The following IGSF5 variants were observed in gnomAD, a reference collection of about 807,000 sequenced individuals.
IGSF5 encodes the protein immunoglobulin superfamily 5 like.
Under a neutral mutation model 39.4 loss-of-function variants are expected in IGSF5, and 41 were observed. That is an observed-to-expected ratio of 1.04 (90% CI 0.81 to 1.35). The LOEUF is 1.35. IGSF5 is among the 40% of genes most tolerant of loss of function. The pLI is 0.00. For synonymous variants in IGSF5, 183 were observed against 175.3 expected, an observed-to-expected ratio of 1.04 and a Z score of -0.34; for missense variants, 487 against 494.6, an observed-to-expected ratio of 0.98 and a Z score of 0.15.
chr21:39,771,070 G>A lies in IGSF5; in HGVS notation c.573G>A (p.Pro191=), dbSNP rs150119349. Residue 191 remains proline, a synonymous_variant, in exon 4 of 9, where the codon CCG becomes CCA. Coordinates refer to ENST00000380588, the MANE Select transcript of IGSF5 (RefSeq NM_001080444.2). ...GCCATTCAAGCTATTATTTTGTTCC[G>A]GAGCCCAGCGACCTTCAAAGTGCAG... ...LVSHSSYYFV[P]EPSDLQSAVS... 183 of 1,613,498 alleles carry A rather than the reference G, an allele frequency of 1.1e-4. No individual in the cohort carries two copies. The highest frequency in any genetic ancestry group is 1.7e-4 in the Admixed American group (10 of 59,936).
At chr21:39,745,611 C>T (rs1048818845) in intron 1 of IGSF5, 85 bp downstream of exon 1, 31 of 695,164 alleles carry the variant, frequency 4.5e-5, no homozygotes, top group Admixed American at 1.1e-4. Context: ...GAGGTTGGGA[C>T]GACAGCTTTC....
intron 2 of IGSF5, among the ~76,000 whole-genome samples, chr21:39,756,400 T>C (rs577070049): frequency 6.6e-6 from 1 of 152,218 alleles, no homozygotes; most frequent in Admixed American, 6.5e-5. Context: ...CTTGTATTTT[T>C]GCTTCTGGGT....
rs542694247 is a variant in IGSF5 at position 39,773,421 on chromosome 21, T to A, written c.718+2206T>A. Among the ~76,000 whole-genome samples the A allele has an allele frequency of 1.8e-3, 273 of 152,282 alleles. 1 individual carries two copies. The highest frequency in any genetic ancestry group is 6.4e-3 in the African/African-American group (266 of 41,554). On this transcript the variant is annotated intron_variant, in intron 4 of 8. Transcript: ENST00000380588. Reference sequence around the variant, plus strand: ...TCCTGCTTCCATTATTCTTTCCATATCTCTTAATTGGCTTTCTTTTGTTAA... The same window carrying A: ...TCCTGCTTCCATTATTCTTTCCATAACTCTTAATTGGCTTTCTTTTGTTAA...
intron 8 of IGSF5, among the ~76,000 whole-genome samples, chr21:39,795,673 G>A (rs1400024402): frequency 6.6e-6 from 1 of 151,926 alleles, no homozygotes; most frequent in African/African-American, 2.4e-5. Context: ...CACAGGGAGA[G>A]AAACTTAAGA....
intron 4 of IGSF5, among the ~76,000 whole-genome samples, chr21:39,774,043 T>C (rs2080127894): frequency 6.6e-6 from 1 of 152,236 alleles, no homozygotes; most frequent in African/African-American, 2.4e-5. Flanking sequence ...CGATGGTAGC[T>C]GGAGGCATGG....
intron 3 of IGSF5, among the ~76,000 whole-genome samples, chr21:39,766,571 T>C (rs1964364859): frequency 6.6e-6 from 1 of 152,186 alleles, no homozygotes. Context: ...TCACCAAATA[T>C]ATCAAGTCAT....
At chr21:39,738,439 A>AG in the IGSF5 span, among the ~76,000 whole-genome samples, 1 of 152,196 alleles carries the variant, frequency 6.6e-6, no homozygotes, top group Non-Finnish European at 1.5e-5. This position sits in a 1 kb window ranked among gnomAD's most constrained non-coding sequence, Gnocchi z 6.4. Flanking sequence ...GATGAGATTT[A>AG]GGTGGGGACA....
chr21:39,753,229 G>T (rs924294841), intron 2 of IGSF5, among the ~76,000 whole-genome samples: 6 of 151,986 alleles, frequency 3.9e-5, no homozygotes, highest in Admixed American at 3.9e-4. Flanking sequence ...ATTACCCCAG[G>T]ATCATTTATT....
At chr21:39,747,525 T>G (rs1185575531) in intron 2 of IGSF5, among the ~76,000 whole-genome samples, 2 of 152,246 alleles carry the variant, frequency 1.3e-5, no homozygotes, top group Non-Finnish European at 2.9e-5. Flanking sequence ...TTAGCAGAAC[T>G]GTTTAATGAA....
chr21:39,745,555 A>T (rs777113725), intron 1 of IGSF5, 29 bp downstream of exon 1: 2 of 716,498 alleles, frequency 2.8e-6, no homozygotes, highest in Non-Finnish European at 5.2e-6. Context: ...GCGACTGTTG[A>T]GTAGAGACTT....
chr21:39,758,980 C>G (rs2080047150), intron 2 of IGSF5, among the ~76,000 whole-genome samples: 1 of 152,218 alleles, frequency 6.6e-6, no homozygotes, highest in Admixed American at 6.5e-5. Context: ...GATGTTGAGA[C>G]CAAGAGCATT....
chr21:39,757,086 G>C (rs1399456322), intron 2 of IGSF5, among the ~76,000 whole-genome samples: 2 of 151,602 alleles, frequency 1.3e-5, no homozygotes, highest in Non-Finnish European at 2.9e-5. Context: ...TGCTGGGAAA[G>C]TTCTTCCTGC....
intron 6 of IGSF5, among the ~76,000 whole-genome samples, chr21:39,788,547 G>T (rs960869767): frequency 1.3e-5 from 2 of 152,234 alleles, no homozygotes; most frequent in African/African-American, 4.8e-5. Flanking sequence ...CACCGGCAGA[G>T]GTCCTGCTGG....
In IGSF5 at chr21:39,801,515, A is replaced by C; in HGVS notation, c.*158A>C. The C allele has an allele frequency of 4.1e-6, 2 of 484,654 alleles. No individual in the cohort carries two copies. Among genetic ancestry groups the C allele is most frequent in the Middle Eastern group, 5.2e-4 (1 of 1,940 alleles). The allele number at this position is 484,654 out of a possible 1,614,324, so 30.0% of individuals were successfully genotyped here. Reference sequence around the variant, plus strand: ...AGAACTGATACTTGACAGTGAGAGAAGGAATCGATTTTCCCAGAGTTCAAA... The same window carrying C: ...AGAACTGATACTTGACAGTGAGAGACGGAATCGATTTTCCCAGAGTTCAAA... On this transcript the variant is annotated 3_prime_UTR_variant, in exon 9 of 9. Coordinates refer to ENST00000380588, the MANE Select transcript of IGSF5 (RefSeq NM_001080444.2).
chr21:39,749,366 C>T (rs979749442), intron 2 of IGSF5, among the ~76,000 whole-genome samples: 5 of 152,188 alleles, frequency 3.3e-5, no homozygotes, highest in African/African-American at 1.2e-4. Context: ...GTCCACATCA[C>T]CACGCCCGGC....
chr21:39,749,702 A>C (rs1175376704), intron 2 of IGSF5, among the ~76,000 whole-genome samples: 1 of 152,246 alleles, frequency 6.6e-6, no homozygotes, highest in Non-Finnish European at 1.5e-5. Flanking sequence ...AAGGTGGGAC[A>C]ATTCCAAGTG....
the IGSF5 span, among the ~76,000 whole-genome samples, chr21:39,723,573 A>T: frequency 2.6e-4 from 40 of 152,306 alleles, no homozygotes; most frequent in African/African-American, 8.7e-4. Context: ...TCAAGAAGGA[A>T]CTTGGAATTC....
chr21:39,755,305 G>A (rs970690729), intron 2 of IGSF5, among the ~76,000 whole-genome samples: 3 of 152,140 alleles, frequency 2.0e-5, no homozygotes, highest in Non-Finnish European at 4.4e-5. Flanking sequence ...ATTAAATGAT[G>A]ACCTGGTGCG....
intron 4 of IGSF5, among the ~76,000 whole-genome samples, chr21:39,772,070 C>T (rs1341748306): frequency 1.3e-5 from 2 of 152,154 alleles, no homozygotes; most frequent in Non-Finnish European, 2.9e-5. Flanking sequence ...AAGCCATAGC[C>T]AAAGCCAAAT....
Sources: gnomAD v4.1 joint callset for allele counts (sites outside exome capture counted in the v4.1 genomes callset) on GRCh38, gnomAD v4.1.1 for gene constraint, Gnocchi (gnomAD v3.1) non-coding constraint, MANE v1.5 for transcripts, NCBI Gene and HGNC (gene_info 2026-07-23, HGNC 2026-07-21) for gene names.